Variants in SLC25A43 observed in about 807,000 individuals in gnomAD.
The protein encoded by SLC25A43 is solute carrier family 25, member 43.
Under a neutral mutation model 22.8 loss-of-function variants are expected in SLC25A43, and 10 were observed. The observed-to-expected ratio is 0.44, with a 90% CI of 0.27 to 0.74. SLC25A43 has a LOEUF of 0.74. SLC25A43 is among the 30% of genes least tolerant of loss of function. SLC25A43 has a pLI of 0.17. For synonymous variants in SLC25A43, 106 were observed against 121.6 expected (o/e 0.87, Z 0.84); for missense variants, 233 against 279.1 (o/e 0.83, Z 1.18).
intron 1 of SLC25A43, among the ~76,000 whole-genome samples, chrX:119,401,514 T>A (rs1165495244): frequency 9.1e-6 from 1 of 110,089 alleles, no homozygotes; most frequent in South Asian, 4.0e-4. Context: ...GAGAAAAAAA[T>A]TTGAGTTTGG....
chrX:119,451,578 C>T (rs1260647760), intron 3 of SLC25A43, among the ~76,000 whole-genome samples: 1 of 111,930 alleles, frequency 8.9e-6, no homozygotes, highest in Admixed American at 9.5e-5. Flanking sequence ...TCACAATGCT[C>T]CCTACCCTGT....
intron 3 of SLC25A43, among the ~76,000 whole-genome samples, chrX:119,421,366 C>A (rs1412191369): frequency 1.8e-5 from 2 of 111,789 alleles, no homozygotes; most frequent in Non-Finnish European, 3.8e-5. Flanking sequence ...TATGTAAAAT[C>A]TCCCAGTTTT....
At chrX:119,430,944 C>T (rs11798967) in intron 3 of SLC25A43, among the ~76,000 whole-genome samples, 21,980 of 110,989 alleles carry the variant, frequency 0.2, 1,662 homozygotes, top group African/African-American at 0.24. Flanking sequence ...GCTTTGGCAG[C>T]CACATCCACC....
chrX:119,420,289 C>CT (rs58312594), intron 3 of SLC25A43, among the ~76,000 whole-genome samples: 1,214 of 92,227 alleles, frequency 0.013, 20 homozygotes, highest in African/African-American at 0.037. Context: ...GCGTTAGATC[C>CT]TTTTTTTTTT....
At chrX:119,446,151 CAAAAAAAAA>C (rs3078475) in intron 3 of SLC25A43, among the ~76,000 whole-genome samples, 10 of 38,701 alleles carry the variant, frequency 2.6e-4, no homozygotes, top group Non-Finnish European at 3.8e-4. Flanking sequence ...GACTCCATCT[CAAAAAAAAA>C]AAAAAAAAAA....
intron 3 of SLC25A43, chrX:119,423,169 C>T (rs746978565): frequency 2.7e-5 from 3 of 111,375 alleles, no homozygotes; most frequent in African/African-American, 6.5e-5. Flanking sequence ...AACAGAGGGC[C>T]GACTGTATTT....
Position 119,399,639 on chromosome X carries a change from T to G in SLC25A43, c.236T>G (p.Leu79Arg). Residue 79 changes from leucine to arginine, a missense_variant, in exon 1 of 5, where the codon CTC becomes CGC. By Grantham distance (102) the Leu-to-Arg change is moderately radical. Transcript: ENST00000217909. ...GGGAACGCGGTGGCGTGCCTGCGCC[T>G]CTTCCCCTGCAGCGCCGTGCAGCTC... ...WKGNAVACLR[L>R]FPCSAVQLAA... 2.0e-6 allele frequency: 2 copies of G among 1,015,656 alleles called. No homozygotes were observed. The highest frequency in any genetic ancestry group is 2.5e-6 in the Non-Finnish European group (2 of 801,708). 83.7% of individuals were successfully genotyped at this position (1,015,656 alleles called of 1,213,427 possible). A position where few individuals can be genotyped will look rare whatever the true frequency, so the allele number is the denominator to read the frequency against.
intron 3 of SLC25A43, among the ~76,000 whole-genome samples, chrX:119,426,808 ACT>A (rs1170752779): frequency 2.8e-5 from 2 of 70,326 alleles, no homozygotes; most frequent in Non-Finnish European, 5.6e-5. Flanking sequence ...ACAGAGTGAA[ACT>A]CTATTTAAAA....
chrX:119,399,721 G>T (rs924071017), intron 1 of SLC25A43, 43 bp downstream of exon 1: 28 of 980,909 alleles, frequency 2.9e-5, no homozygotes, highest in Admixed American at 5.7e-5. Flanking sequence ...ACCGGACGGG[G>T]GTGGGGTGGG....
intron 3 of SLC25A43, among the ~76,000 whole-genome samples, chrX:119,425,423 C>G (rs950842582): frequency 9.0e-6 from 1 of 111,653 alleles, no homozygotes; most frequent in African/African-American, 3.3e-5. Context: ...TTAGTAGGAA[C>G]AGAGTTCTAT....
intron 3 of SLC25A43, among the ~76,000 whole-genome samples, chrX:119,416,153 A>T (rs1488170088): frequency 9.1e-6 from 1 of 110,429 alleles, no homozygotes; most frequent in Non-Finnish European, 1.9e-5. Flanking sequence ...CTTTCACCAC[A>T]TACTAAATGT....
intron 3 of SLC25A43, among the ~76,000 whole-genome samples, chrX:119,413,147 C>T (rs1295517936): frequency 9.1e-6 from 1 of 109,979 alleles, no homozygotes; most frequent in Non-Finnish European, 1.9e-5. Flanking sequence ...TGCACATATA[C>T]TTTAAAATGG....
At chrX:119,416,065 G>GTTT (rs200891071) in intron 3 of SLC25A43, among the ~76,000 whole-genome samples, 1 of 100,482 alleles carries the variant, frequency 1.0e-5, no homozygotes, top group Non-Finnish European at 2.0e-5. Context: ...AGTCATCTAA[G>GTTT]TTTTTTTTTT....
intron 1 of SLC25A43, among the ~76,000 whole-genome samples, chrX:119,402,554 A>T (rs1346876903): frequency 8.9e-6 from 1 of 111,824 alleles, no homozygotes; most frequent in Non-Finnish European, 1.9e-5. Flanking sequence ...GCACTTCATG[A>T]GCTTATGTTT....
At chrX:119,410,034 C>T (rs970041677) in intron 2 of SLC25A43, among the ~76,000 whole-genome samples, 156 bp from the exon 3 acceptor site, 3 of 111,914 alleles carry the variant, frequency 2.7e-5, no homozygotes, top group Non-Finnish European at 3.8e-5. Context: ...CATTATCGCA[C>T]TCAAGAAAGT....
intron 3 of SLC25A43, among the ~76,000 whole-genome samples, chrX:119,415,262 A>G (rs1375228908): frequency 2.7e-5 from 3 of 110,573 alleles, no homozygotes; most frequent in African/African-American, 9.9e-5. Context: ...GTAGAGACAG[A>G]GACTTGCCAT....
At chrX:119,444,007 A>C (rs1478823571) in intron 3 of SLC25A43, among the ~76,000 whole-genome samples, 1 of 110,987 alleles carries the variant, frequency 9.0e-6, no homozygotes, top group Non-Finnish European at 1.9e-5. Flanking sequence ...TGCCAGCCTC[A>C]GCCTCCCAAA....
rs776691094 is a variant in SLC25A43, at chrX:119,406,660, G to A, written c.476G>A (p.Gly159Glu). ...HAFSTIYQQE[G>E]FLALYRGVSL... ...TTTTCTACTATTTACCAACAGGAAG[G>A]GTTCCTTGCCCTTTATCGAGGGGTT... The change falls in exon 2 of 5, where the codon GGG (glycine) becomes GAG (glutamate). Residue 159 changes from glycine to glutamate, a missense_variant. By Grantham distance (98) the Gly-to-Glu change is moderately conservative (BLOSUM62 -2). Transcript: ENST00000217909. 2.5e-6 allele frequency: 3 copies of A among 1,211,957 alleles called. No homozygotes were observed. Among genetic ancestry groups the A allele is most frequent in the East Asian group, 3.0e-5 (1 of 33,884 alleles).
chrX:119,428,939 C>A (rs958940639), intron 3 of SLC25A43, among the ~76,000 whole-genome samples: 3 of 112,141 alleles, frequency 2.7e-5, no homozygotes, highest in Non-Finnish European at 1.9e-5. Context: ...ACCATTCCCC[C>A]CAACCCCTTG....
Sources: allele counts gnomAD v4.1 joint callset (sites outside exome capture counted in the v4.1 genomes callset), GRCh38; gene constraint gnomAD v4.1.1; transcripts MANE v1.5; gene names NCBI Gene and HGNC (gene_info 2026-07-23, HGNC 2026-07-21).